Variants in PPARGC1A observed in about 807,000 individuals in gnomAD.
The protein encoded by PPARGC1A is peroxisome proliferator-activated receptor gamma coactivator 1-alpha.
A neutral mutation model predicts 88.7 loss-of-function variants in PPARGC1A; 25 were observed. The ratio of observed to expected loss-of-function variants is 0.28; its 90% CI spans 0.21 to 0.39. The LOEUF (loss-of-function observed/expected upper bound fraction) is 0.39, where lower values mean the gene tolerates loss of function less well. PPARGC1A is among the 10% of genes least tolerant of loss of function. The pLI is 1.00. For missense variants in PPARGC1A, 880 were observed against 968.7 expected (o/e 0.91, Z 1.22); for synonymous variants, 363 against 355.6 (o/e 1.02, Z -0.24).
chr4:24,360,662 C>A, the PPARGC1A span, among the ~76,000 whole-genome samples: 1 of 152,174 alleles, frequency 6.6e-6, no homozygotes, highest in African/African-American at 2.4e-5. Flanking sequence ...TGGGAGAAAG[C>A]AAATGCACAG....
At chr4:23,872,202 C>T (rs916029409) in intron 2 of PPARGC1A, among the ~76,000 whole-genome samples, 2 of 152,120 alleles carry the variant, frequency 1.3e-5, no homozygotes, top group African/African-American at 4.8e-5. Flanking sequence ...CAGTTCTCAT[C>T]CATAGAAGCC....
the PPARGC1A span, among the ~76,000 whole-genome samples, chr4:24,248,547 A>C: frequency 2.0e-5 from 3 of 152,104 alleles, no homozygotes; most frequent in African/African-American, 7.2e-5. Context: ...TTAGTCTGTA[A>C]CTACAGAGAA....
chr4:23,972,277 T>G, the PPARGC1A span, among the ~76,000 whole-genome samples: 1 of 152,196 alleles, frequency 6.6e-6, no homozygotes, highest in Admixed American at 6.5e-5. Flanking sequence ...AGAACAAACC[T>G]AGGCTAGGAA....
chr4:24,400,033 G>A, the PPARGC1A span, among the ~76,000 whole-genome samples: 1 of 150,636 alleles, frequency 6.6e-6, no homozygotes, highest in East Asian at 2.0e-4. Flanking sequence ...GATCCACCCC[G>A]CCTCAGCCTC....
the PPARGC1A span, among the ~76,000 whole-genome samples, chr4:23,928,034 C>T: frequency 1.3e-5 from 2 of 152,076 alleles, no homozygotes; most frequent in South Asian, 2.1e-4. Context: ...AGGGCCTGGG[C>T]AGCAGCTAGT....
the PPARGC1A span, among the ~76,000 whole-genome samples, chr4:24,253,118 G>A: frequency 6.6e-5 from 10 of 152,252 alleles, no homozygotes; most frequent in Admixed American, 2.0e-4. Flanking sequence ...GTGAGAGCAT[G>A]CAGGAAAACT....
At chr4:24,391,386 C>A in the PPARGC1A span, among the ~76,000 whole-genome samples, 2 of 152,144 alleles carry the variant, frequency 1.3e-5, no homozygotes, top group Non-Finnish European at 2.9e-5. Flanking sequence ...TACTTAGCAC[C>A]AGTTACTCTG....
the PPARGC1A span, among the ~76,000 whole-genome samples, chr4:24,342,895 C>T: frequency 6.6e-6 from 1 of 152,066 alleles, no homozygotes; most frequent in Non-Finnish European, 1.5e-5. Flanking sequence ...TCAGTCCCTG[C>T]CATGTTTCCC....
chr4:24,415,740 G>A, the PPARGC1A span, among the ~76,000 whole-genome samples: 230 of 152,218 alleles, frequency 1.5e-3, no homozygotes, highest in African/African-American at 3.9e-3. Flanking sequence ...AGAGATGTTC[G>A]TCGTAATTTT....
At chr4:23,846,480 C>A (rs1728346385) in intron 2 of PPARGC1A, among the ~76,000 whole-genome samples, 1 of 152,190 alleles carries the variant, frequency 6.6e-6, no homozygotes, top group Non-Finnish European at 1.5e-5. Flanking sequence ...CATATGCTTT[C>A]TTTAAAACTC....
At chr4:24,286,458 G>A in the PPARGC1A span, among the ~76,000 whole-genome samples, 1 of 152,162 alleles carries the variant, frequency 6.6e-6, no homozygotes, top group East Asian at 1.9e-4. Flanking sequence ...AAAGTCTGTA[G>A]GTGGCTCCCA....
At chr4:24,154,290 C>G in the PPARGC1A span, among the ~76,000 whole-genome samples, 1 of 152,222 alleles carries the variant, frequency 6.6e-6, no homozygotes, top group South Asian at 2.1e-4. Flanking sequence ...CCCTGTTGGA[C>G]AGCAGCTGAG....
At chr4:24,252,788 A>G in the PPARGC1A span, among the ~76,000 whole-genome samples, 1 of 152,230 alleles carries the variant, frequency 6.6e-6, no homozygotes, top group East Asian at 1.9e-4. Context: ...GTCAAATGTT[A>G]TCATCGTTTT....
chr4:24,227,324 C>A, the PPARGC1A span, among the ~76,000 whole-genome samples: 1 of 152,100 alleles, frequency 6.6e-6, no homozygotes, highest in Non-Finnish European at 1.5e-5. Flanking sequence ...TGAGCTCAGG[C>A]AATTTGCCTG....
the PPARGC1A span, among the ~76,000 whole-genome samples, chr4:23,962,127 T>G: frequency 6.6e-6 from 1 of 152,108 alleles, no homozygotes; most frequent in Non-Finnish European, 1.5e-5. Context: ...CTTTTTATTT[T>G]TTTTTAATAA....
At chr4:24,229,152 C>CTTTTTTTTATTTTTTTT in the PPARGC1A span, among the ~76,000 whole-genome samples, 1 of 60,894 alleles carries the variant, frequency 1.6e-5, no homozygotes, top group Non-Finnish European at 3.1e-5. Context: ...GTATCTGGAC[C>CTTTTTTTTATTTTTTTT]TTTTTTTTTT....
the PPARGC1A span, among the ~76,000 whole-genome samples, chr4:23,926,087 A>G: frequency 6.6e-6 from 1 of 152,144 alleles, no homozygotes; most frequent in Non-Finnish European, 1.5e-5. Flanking sequence ...GGTGTTGCCT[A>G]TAATTCTGTT....
At chr4:23,931,966 G>A in the PPARGC1A span, among the ~76,000 whole-genome samples, 1 of 152,268 alleles carries the variant, frequency 6.6e-6, no homozygotes, top group South Asian at 2.1e-4. Context: ...CCCATTGTCA[G>A]GGTTGTTAAA....
chr4:24,399,717 T>C, the PPARGC1A span, among the ~76,000 whole-genome samples: 27 of 152,124 alleles, frequency 1.8e-4, no homozygotes, highest in Admixed American at 1.5e-3. Context: ...TGGGTACCAG[T>C]AGAGTGCCAA....
Sources: gnomAD v4.1 joint callset for allele counts (sites outside exome capture counted in the v4.1 genomes callset) on GRCh38, gnomAD v4.1.1 for gene constraint, MANE v1.5 for transcripts, NCBI Gene and HGNC (gene_info 2026-07-23, HGNC 2026-07-21) for gene names.